Variants in KIF26B observed in about 807,000 individuals in gnomAD.
KIF26B encodes kinesin family member 26B.
A neutral mutation model predicts 151.2 loss-of-function variants in KIF26B; 63 were observed. The observed-to-expected ratio is 0.42, with a 90% CI of 0.34 to 0.51. The LOEUF (loss-of-function observed/expected upper bound fraction) is 0.51. Among genes scored for constraint, KIF26B ranks in the 20% least tolerant of loss-of-function variants. KIF26B has a pLI of 0.07. For missense variants in KIF26B, 2,813 were observed against 2,913.6 expected (o/e 0.97, Z 0.79); for synonymous variants, 1,357 against 1,262.1 (o/e 1.08, Z -1.59).
At chr1:245,483,806 G>A (rs559340257) in intron 4 of KIF26B, among the ~76,000 whole-genome samples, 1 of 151,918 alleles carries the variant, frequency 6.6e-6, no homozygotes, top group South Asian at 2.1e-4. Flanking sequence ...AATCTTACAG[G>A]GCGACTACTT....
chr1:245,588,560 C>T (rs2043252211), intron 5 of KIF26B, among the ~76,000 whole-genome samples: 1 of 152,196 alleles, frequency 6.6e-6, no homozygotes, highest in African/African-American at 2.4e-5. Context: ...ACTCAGACCC[C>T]CTCCAGTCCT....
chr1:245,474,421 GT>G (rs148335679), intron 4 of KIF26B, among the ~76,000 whole-genome samples: 26 of 133,130 alleles, frequency 2.0e-4, no homozygotes, highest in African/African-American at 4.6e-4. Context: ...TTTTGTTGTT[GT>G]TTTTTTTTTT....
intron 3 of KIF26B, among the ~76,000 whole-genome samples, chr1:245,377,619 T>C (rs796846364): frequency 1.3e-5 from 2 of 152,264 alleles, no homozygotes; most frequent in African/African-American, 2.4e-5. Context: ...TCTAAATAGA[T>C]AGACAGACAG....
intron 2 of KIF26B, among the ~76,000 whole-genome samples, chr1:245,179,458 T>C (rs1188905764): frequency 2.0e-5 from 3 of 152,136 alleles, no homozygotes; most frequent in Non-Finnish European, 2.9e-5. Context: ...ACCCTGTCTC[T>C]ATTAAAAATA....
chr1:245,370,713 T>A (rs750053838), intron 3 of KIF26B: 1 of 440,390 alleles, frequency 2.3e-6, no homozygotes, highest in Non-Finnish European at 4.6e-6. Context: ...AAAGTTTGTG[T>A]GTAAGTCGGA....
At chr1:245,180,226 A>G (rs1322662097) in intron 2 of KIF26B, among the ~76,000 whole-genome samples, 1 of 152,208 alleles carries the variant, frequency 6.6e-6, no homozygotes, top group Non-Finnish European at 1.5e-5. Context: ...CCCATTTCTA[A>G]GAGTAGGAGA....
At chr1:245,527,800 TG>T (rs1219019324) in intron 4 of KIF26B, among the ~76,000 whole-genome samples, 1 of 151,958 alleles carries the variant, frequency 6.6e-6, no homozygotes, top group Non-Finnish European at 1.5e-5. Flanking sequence ...CCGAAAGTGA[TG>T]GGATTACAGA....
At chr1:245,160,559 A>G (rs1043189533) in intron 2 of KIF26B, among the ~76,000 whole-genome samples, 5 of 152,206 alleles carry the variant, frequency 3.3e-5, no homozygotes, top group Non-Finnish European at 4.4e-5. Context: ...CAACAGCCCA[A>G]CGAAATTCCC....
rs932892152 is a variant in KIF26B at position 245,533,017 on chromosome 1, C to T, written c.1167-7750C>T. ...TCTTCACTGTGTCTGGGAGCTCTGC[C>T]TCAGAACGTAGGATCTTGTTCCCTA... On this transcript the variant is annotated intron_variant, in intron 4 of 14. Transcript: ENST00000407071. Among the ~76,000 whole-genome samples the T allele has an allele frequency of 3.9e-5, 6 of 152,196 alleles. No individual in the cohort carries two copies. The East Asian group carries it at 5.8e-4, about 15-fold the overall frequency.
At position 245,572,839 on chromosome 1, in the gene KIF26B, C is replaced by T. The variant is rs1471381505; in HGVS notation, c.1351-29738C>T. Among the ~76,000 whole-genome samples the T allele has an allele frequency of 6.6e-6, 1 of 152,120 alleles. No individual in the cohort carries two copies. The highest frequency in any genetic ancestry group is 2.4e-5 in the African/African-American group (1 of 41,428). ...AAGGCCTTTTGTGGCTCAGATGTGT[C>T]TTTGCGGGGAAATGGTCAGGCGTCC... is the stretch of plus-strand genomic sequence containing the variant. On this transcript the variant is annotated intron_variant, in intron 5 of 14. Transcript: ENST00000407071. This position sits in a 1 kb window ranked among gnomAD's most constrained non-coding sequence, Gnocchi z 4.2.
intron 3 of KIF26B, among the ~76,000 whole-genome samples, chr1:245,387,597 G>A (rs1342672099): frequency 6.6e-6 from 1 of 152,168 alleles, no homozygotes; most frequent in African/African-American, 2.4e-5. Context: ...GGAGGCTGGG[G>A]CGGGAGGATC....
Position 245,540,031 on chromosome 1 carries a change from G to A in KIF26B, c.1167-736G>A, listed in dbSNP as rs560728157. ...TGGAACAGCCTATGTTATTAATGAT[G>A]CCGGCAGCCTCCCCTCCCACCTTTC... On this transcript the variant is annotated intron_variant, in intron 4 of 14. Transcript: ENST00000407071. The surrounding 1 kb of genome is among the most constrained non-coding windows in gnomAD (Gnocchi z 4.6). Among the ~76,000 whole-genome samples, 6 of 152,102 alleles carry A rather than the reference G, an allele frequency of 3.9e-5. No individual in the cohort carries two copies. Among genetic ancestry groups the A allele is most frequent in the East Asian group, 1.9e-4 (1 of 5,192 alleles).
In KIF26B at chr1:245,287,494, C is replaced by CTTTTTTTTTTTTTTTTTTTTTTTTTT. The variant is rs1157634485; in HGVS notation, c.466-79339_466-79338insTTTTTTTTTTTTTTTTTTTTTTTTTT. On this transcript the variant is annotated intron_variant, in intron 2 of 14. Transcript: ENST00000407071. Reference sequence around the variant, plus strand: ...GGGTCCCTGTGTGTCTCATCTCTCTCTCTCTTTTTTTTTTTTTTTTTTTCC... The same window carrying CTTTTTTTTTTTTTTTTTTTTTTTTTT: ...GGGTCCCTGTGTGTCTCATCTCTCTCTTTTTTTTTTTTTTTTTTTTTTTTTTTCTCTTTTTTTTTTTTTTTTTTTCC... 3.5e-5 allele frequency among the ~76,000 whole-genome samples: 4 copies of CTTTTTTTTTTTTTTTTTTTTTTTTTT among 113,172 alleles called. 2 individuals are homozygous for CTTTTTTTTTTTTTTTTTTTTTTTTTT. Among genetic ancestry groups the CTTTTTTTTTTTTTTTTTTTTTTTTTT allele is most frequent in the Admixed American group, 1.8e-4 (2 of 11,426 alleles). 74.2% of individuals were successfully genotyped at this position (113,172 alleles called of 152,430 possible). A position where few individuals can be genotyped will look rare whatever the true frequency, so the allele number is the denominator to read the frequency against.
intron 2 of KIF26B, among the ~76,000 whole-genome samples, chr1:245,253,396 CATT>C (rs1670478592): frequency 6.6e-6 from 1 of 152,148 alleles, no homozygotes; most frequent in African/African-American, 2.4e-5. Flanking sequence ...ATGCTTTGGT[CATT>C]ATTATTATTT....
chr1:245,257,713 G>C (rs189556179), intron 2 of KIF26B, among the ~76,000 whole-genome samples: 63 of 152,228 alleles, frequency 4.1e-4, no homozygotes, highest in Admixed American at 1.1e-3. Flanking sequence ...GACAGGGGTA[G>C]ATATTTGTGA....
intron 2 of KIF26B, among the ~76,000 whole-genome samples, chr1:245,204,835 C>T (rs1302686532): frequency 1.3e-5 from 2 of 152,012 alleles, no homozygotes; most frequent in Non-Finnish European, 2.9e-5. Context: ...GGCTGGAGTG[C>T]GGTGGCAGAA....
intron 4 of KIF26B, among the ~76,000 whole-genome samples, chr1:245,531,964 G>A (rs1360503551): frequency 3.9e-5 from 6 of 152,084 alleles, no homozygotes; most frequent in Admixed American, 3.9e-4. Flanking sequence ...AGCCAGGCAT[G>A]ATGGGGCACA....
At chr1:245,357,841 G>T (rs1035703514) in intron 2 of KIF26B, among the ~76,000 whole-genome samples, 2 of 152,186 alleles carry the variant, frequency 1.3e-5, no homozygotes, top group Non-Finnish European at 2.9e-5. Flanking sequence ...CCAAAACACT[G>T]GGTCACAGGG....
intron 2 of KIF26B, among the ~76,000 whole-genome samples, chr1:245,203,400 TCTC>T (rs1669341601): frequency 6.6e-6 from 1 of 152,184 alleles, no homozygotes; most frequent in Non-Finnish European, 1.5e-5. Context: ...ACTTTCTCCT[TCTC>T]CTACTTTTCC....
Sources: allele counts gnomAD v4.1 joint callset (sites outside exome capture counted in the v4.1 genomes callset), GRCh38; gene constraint gnomAD v4.1.1; non-coding constraint Gnocchi (gnomAD v3.1); transcripts MANE v1.5; gene names NCBI Gene and HGNC (gene_info 2026-07-23, HGNC 2026-07-21).